Variants in MFSD11 observed in about 807,000 individuals in gnomAD.
MFSD11 encodes the protein UNC93-like protein MFSD11.
MFSD11 carries 36 observed loss-of-function variants against 53.5 expected under a neutral mutation model. The observed-to-expected ratio is 0.67, with a 90% CI of 0.52 to 0.89. The LOEUF is 0.89. MFSD11 is among the 40% of genes least tolerant of loss of function. MFSD11 has a pLI of 0.00. For synonymous variants in MFSD11, 186 were observed against 184.9 expected (o/e 1.01, Z -0.05); for missense variants, 530 against 543.9 (o/e 0.97, Z 0.25).
chr17:76,749,588 C>T (rs2078866052), intron 7 of MFSD11, among the ~76,000 whole-genome samples: 1 of 149,354 alleles, frequency 6.7e-6, no homozygotes. Context: ...CCATATGGTT[C>T]TTGAAATAAA....
In MFSD11 at chr17:76,738,367, TAA is replaced by T; in HGVS notation, c.19_20del (p.Lys7AlafsTer34). ...GCTGAGCCAAAATGTCCCCGGAATCTAAAAAGCTTTTCAACATCATTATTTTA... is the reference window on the plus strand; with the variant it reads ...GCTGAGCCAAAATGTCCCCGGAATCTAAAGCTTTTCAACATCATTATTTTA... MSPES[K>X]KLFNIIILGV... On this transcript the variant is annotated frameshift_variant, in exon 1 of 13. Coordinates refer to ENST00000685175, the MANE Select transcript of MFSD11 (RefSeq NM_001242532.5). LOFTEE classifies it high-confidence loss of function. 6.2e-7 allele frequency: 1 copy of T among 1,614,110 alleles called. No individual in the cohort carries two copies. Among genetic ancestry groups the T allele is most frequent in the Non-Finnish European group, 8.5e-7 (1 of 1,179,950 alleles).
intron 12 of MFSD11, among the ~76,000 whole-genome samples, chr17:76,777,260 TC>T (rs1403847297): frequency 7.7e-6 from 1 of 129,380 alleles, no homozygotes; most frequent in Non-Finnish European, 1.6e-5. Flanking sequence ...AGAGCGAGAC[TC>T]CGTCTCAAAA....
intron 9 of MFSD11, among the ~76,000 whole-genome samples, chr17:76,768,884 C>A: frequency 6.6e-6 from 1 of 151,294 alleles, no homozygotes; most frequent in East Asian, 1.9e-4. Flanking sequence ...ACTTGGGAGG[C>A]TGAGGCAAGG....
chr17:76,784,275 C>A (rs2082239401), downstream of MFSD11, among the ~76,000 whole-genome samples: 1 of 152,174 alleles, frequency 6.6e-6, no homozygotes, highest in Non-Finnish European at 1.5e-5. Context: ...GTGGCTCAAG[C>A]CTGTAATCCC....
At position 76,778,464 on chromosome 17, in the gene MFSD11, A is replaced by G. The variant is rs765079043; in HGVS notation, c.*112A>G. The G allele has an allele frequency of 3.8e-5, 41 of 1,075,978 alleles. No homozygotes were observed. The highest frequency in any genetic ancestry group is 2.6e-4 in the South Asian group (17 of 65,662). The allele number at this position is 1,075,978 out of a possible 1,614,324, so 66.7% of individuals were successfully genotyped here. ...ATATATTGGGTGATGTTCAGTATGG[A>G]AAATCAAGGGATTAAGACTGTTAAA... On this transcript the variant is annotated 3_prime_UTR_variant, in exon 13 of 13. Transcript: ENST00000685175.
chr17:76,737,898 CG>C, upstream of MFSD11: 1 of 177,468 alleles, frequency 5.6e-6, no homozygotes, highest in Non-Finnish European at 1.2e-5. Flanking sequence ...GGACTCCCCG[CG>C]GAGCGCTTGC....
At chr17:76,794,883 A>G in the MFSD11 span, among the ~76,000 whole-genome samples, 1 of 150,558 alleles carries the variant, frequency 6.6e-6, no homozygotes, top group African/African-American at 2.4e-5. Flanking sequence ...TTTAGTAGAG[A>G]CGGGGTTTCA....
chr17:76,752,687 C>T lies in MFSD11; in HGVS notation c.642-1360C>T, dbSNP rs111941159. On this transcript the variant is annotated intron_variant, in intron 7 of 12. Transcript: ENST00000685175. ...CTGGGGTTCCAGGCGTGAGCCACCA[C>T]ACCCTGCCCAAGTCTGTGATTTGAC... Among the ~76,000 whole-genome samples the T allele has an allele frequency of 3.6e-3, 548 of 152,298 alleles. 2 individuals carry two copies. Among genetic ancestry groups the T allele is most frequent in the African/African-American group, 0.012 (516 of 41,560 alleles).
chr17:76,784,527 A>C (rs894792181), downstream of MFSD11, among the ~76,000 whole-genome samples: 4 of 149,688 alleles, frequency 2.7e-5, no homozygotes, highest in African/African-American at 7.6e-5. Flanking sequence ...GTGAGACTCC[A>C]TCTCAAAAAA....
At chr17:76,787,636 A>G in the MFSD11 span, among the ~76,000 whole-genome samples, 1 of 150,038 alleles carries the variant, frequency 6.7e-6, no homozygotes, top group Non-Finnish European at 1.5e-5. Context: ...ATATAATACT[A>G]TGAGCTTTTG....
At chr17:76,736,672 G>A, upstream of MFSD11, 2 of 1,227,742 alleles carry the variant, frequency 1.6e-6, no homozygotes, top group Non-Finnish European at 2.1e-6. Flanking sequence ...GGAGGGTCGC[G>A]AGACGCGGCG....
intron 9 of MFSD11, 118 bp from the exon 10 acceptor site, chr17:76,769,628 C>A: frequency 1.4e-6 from 1 of 706,120 alleles, no homozygotes; most frequent in Non-Finnish European, 2.3e-6. Context: ...ATATTTCAGT[C>A]TCTGTGAGTT....
At position 76,776,433 on chromosome 17, in the gene MFSD11, T is replaced by C. The variant is rs1473877400; in HGVS notation, c.1077T>C (p.Phe359=). The C allele has an allele frequency of 6.2e-7, 1 of 1,613,988 alleles. No homozygotes were observed. Among genetic ancestry groups the C allele is most frequent in the Non-Finnish European group, 8.5e-7 (1 of 1,180,012 alleles). ...AAGAAGTTGCCATTCTCTGCAGTTT[T>C]CTGTTGGGCCTTGGAGACAGCTGCT... ...SSKEVAILCS[F]LLGLGDSCFN... The change falls in exon 12 of 13, where the codon TTT becomes TTC. Residue 359 remains phenylalanine (F), a synonymous_variant. Coordinates refer to ENST00000685175, the MANE Select transcript of MFSD11 (RefSeq NM_001242532.5). This position sits in a 1 kb window ranked among gnomAD's most constrained non-coding sequence, Gnocchi z 4.2.
rs1423503088 is a variant in MFSD11 at position 76,772,706 on chromosome 17, TG to T, written c.875-2287del. ...CTAATTTTTGTATTTTTAGTAGAGATGGGGTTTCACCATGTTGGCCAGGCTG... is the reference window on the plus strand; with the variant it reads ...CTAATTTTTGTATTTTTAGTAGAGATGGGTTTCACCATGTTGGCCAGGCTG... On this transcript the variant is annotated intron_variant, in intron 10 of 12. Transcript: ENST00000685175. Among the ~76,000 whole-genome samples, 8 of 151,812 alleles carry T rather than the reference TG, an allele frequency of 5.3e-5. No individual in the cohort carries two copies. In the East Asian group the frequency reaches 1.4e-3, roughly 26 times the overall value.
At chr17:76,802,746 G>A in the MFSD11 span, among the ~76,000 whole-genome samples, 1 of 152,132 alleles carries the variant, frequency 6.6e-6, no homozygotes, top group African/African-American at 2.4e-5. Flanking sequence ...GGGCATGGTG[G>A]CATGCACCTG....
Position 76,754,045 on chromosome 17 carries a change from A to G in MFSD11, c.642-2A>G. The G allele has an allele frequency of 6.2e-7, 1 of 1,605,876 alleles. No individual in the cohort carries two copies. The highest frequency in any genetic ancestry group is 8.5e-7 in the Non-Finnish European group (1 of 1,176,344). On this transcript the variant is annotated splice_acceptor_variant, in intron 7 of 12. Transcript: ENST00000685175. LOFTEE classifies it high-confidence loss of function. Reference sequence around the variant, plus strand: ...CTTATTTTTTACATTTTATTTTCTCAGGTCTGCCCAGAACAATCTGACAAA... The same window carrying G: ...CTTATTTTTTACATTTTATTTTCTCGGGTCTGCCCAGAACAATCTGACAAA...
At chr17:76,749,552 G>A (rs1409672247) in intron 7 of MFSD11, among the ~76,000 whole-genome samples, 1 of 148,172 alleles carries the variant, frequency 6.7e-6, no homozygotes, top group Non-Finnish European at 1.5e-5. Flanking sequence ...AGAAGAAGAA[G>A]GAACAATGTA....
intron 8 of MFSD11, among the ~76,000 whole-genome samples, chr17:76,764,132 T>G (rs1285715064): frequency 6.6e-6 from 1 of 152,236 alleles, no homozygotes; most frequent in Non-Finnish European, 1.5e-5. Context: ...GTGCTGGGAT[T>G]ACAGGCGTGG....
downstream of MFSD11, among the ~76,000 whole-genome samples, chr17:76,786,024 G>A (rs1394977853): frequency 1.4e-5 from 2 of 138,128 alleles, no homozygotes; most frequent in Admixed American, 7.9e-5. Context: ...GCAGTGAGCC[G>A]AGATCGAGCC....
Sources: gnomAD v4.1 joint callset for allele counts (sites outside exome capture counted in the v4.1 genomes callset) on GRCh38, gnomAD v4.1.1 for gene constraint, Gnocchi (gnomAD v3.1) non-coding constraint, MANE v1.5 for transcripts, NCBI Gene and HGNC (gene_info 2026-07-23, HGNC 2026-07-21) for gene names.